Variants in OPRD1 observed in about 807,000 individuals in gnomAD.
OPRD1 encodes the protein opioid receptor delta 1, also known as delta-type opioid receptor.
In OPRD1, 19 loss-of-function variants were observed where a neutral mutation model predicts 17.5. The ratio of observed to expected loss-of-function variants is 1.09; its 90% CI spans 0.76 to 1.60. The LOEUF is 1.60. OPRD1 is among the 40% of genes most tolerant of loss of function. The pLI, the probability that OPRD1 is intolerant of heterozygous loss-of-function variation, is 0.00. For synonymous variants in OPRD1, 256 were observed against 240.9 expected, an observed-to-expected ratio of 1.06 and a Z score of -0.58; for missense variants, 483 against 547.2, an observed-to-expected ratio of 0.88 and a Z score of 1.17.
At position 28,856,439 on chromosome 1, in the gene OPRD1, G is replaced by A. The variant is rs148135847; in HGVS notation, c.228-2515G>A. Among the ~76,000 whole-genome samples the A allele has an allele frequency of 3.5e-3, 527 of 152,290 alleles. 1 individual carries two copies. The highest frequency in any genetic ancestry group is 0.012 in the African/African-American group (516 of 41,568). On this transcript the variant is annotated intron_variant, in intron 1 of 2. Transcript: ENST00000234961. ...CAGGCTCTTCCGGTAATTCTGAAGC[G>A]ATACCTCAGGCCACGCTTTAATAAA...
At chr1:28,850,831 T>A (rs1012394555) in intron 1 of OPRD1, among the ~76,000 whole-genome samples, 4 of 133,048 alleles carry the variant, frequency 3.0e-5, no homozygotes, top group East Asian at 2.1e-4. Context: ...ATAATAATAA[T>A]AAAAGGTCAA....
intron 1 of OPRD1, among the ~76,000 whole-genome samples, chr1:28,818,828 G>C (rs530085667): frequency 6.6e-6 from 1 of 152,260 alleles, no homozygotes; most frequent in South Asian, 2.1e-4. Context: ...GGCAGGCCCA[G>C]CATGACTGTG....
intron 1 of OPRD1, among the ~76,000 whole-genome samples, chr1:28,823,985 CTGGCCAACA>C (rs1205735412): frequency 6.6e-6 from 1 of 150,870 alleles, no homozygotes; most frequent in Non-Finnish European, 1.5e-5. Context: ...TGAGACCAGC[CTGGCCAACA>C]TGGTGAAACT....
At chr1:28,851,875 A>AG (rs1327842006) in intron 1 of OPRD1, among the ~76,000 whole-genome samples, 2 of 149,232 alleles carry the variant, frequency 1.3e-5, no homozygotes, top group Non-Finnish European at 3.0e-5. Flanking sequence ...AAAAAAAAAA[A>AG]AAAAAGAAGA....
rs1354134743 is a variant in OPRD1 at position 28,869,663 on chromosome 1, C to T, written c.*6380C>T. The T allele has an allele frequency of 6.6e-6, 1 of 152,302 alleles. No homozygotes were observed. The highest frequency in any genetic ancestry group is 2.4e-5 in the African/African-American group (1 of 41,450). The allele number at this position is 152,302 out of a possible 1,614,324, so 9.4% of individuals were successfully genotyped here. The stretch of plus-strand genomic sequence containing the variant: ...TCAGTGATTGGCTCAGCTAGGATCC[C>T]ACCTTTGGTCCTTCAAGTCCACTTC... On this transcript the variant is annotated 3_prime_UTR_variant, in exon 3 of 3. Coordinates refer to ENST00000234961, the MANE Select transcript of OPRD1 (RefSeq NM_000911.4).
chr1:28,858,863 T>A (rs1220590074), intron 1 of OPRD1, 91 bp from the exon 2 acceptor site: 5 of 1,280,098 alleles, frequency 3.9e-6, no homozygotes, highest in Non-Finnish European at 5.5e-6. Flanking sequence ...ACCTTTTGCA[T>A]GTCCTTAGGA....
In OPRD1 at chr1:28,812,234, G is replaced by C. The variant is rs914877278; in HGVS notation, c.-150G>C. The C allele has an allele frequency of 6.5e-5, 20 of 307,418 alleles. No individual in the cohort carries two copies. The highest frequency in any genetic ancestry group is 4.3e-4 in the African/African-American group (19 of 44,440). 19.0% of individuals were successfully genotyped at this position (307,418 alleles called of 1,614,324 possible). ...CTGGGCCGGTGCGGGCGGCGAGGCAGGCGGACGAGGCGCAGAGACAGCGGG... is the reference window on the plus strand; with the variant it reads ...CTGGGCCGGTGCGGGCGGCGAGGCACGCGGACGAGGCGCAGAGACAGCGGG... On this transcript the variant is annotated 5_prime_UTR_variant, in exon 1 of 3. Transcript: ENST00000234961.
At chr1:28,858,726 A>C (rs985019433) in intron 1 of OPRD1, among the ~76,000 whole-genome samples, 1 of 151,556 alleles carries the variant, frequency 6.6e-6, no homozygotes, top group African/African-American at 2.4e-5. Context: ...TTGTATTTTT[A>C]GTAGAGATGG....
Position 28,868,522 on chromosome 1 carries a change from G to A in OPRD1, c.*5239G>A, listed in dbSNP as rs1384771590. The A allele has an allele frequency of 6.6e-6, 1 of 152,228 alleles. No individual in the cohort carries two copies. Among genetic ancestry groups the A allele is most frequent in the African/African-American group, 2.4e-5 (1 of 41,432 alleles). 9.4% of individuals were successfully genotyped at this position (152,228 alleles called of 1,614,324 possible). A position where few individuals can be genotyped will look rare whatever the true frequency, so the allele number is the denominator to read the frequency against. ...GTGTGCCAGAGGCAGCTGCTCTAAG[G>A]AGGCTTGCTGGGCTTGGAATTAGAA... On this transcript the variant is annotated 3_prime_UTR_variant, in exon 3 of 3. Transcript: ENST00000234961.
At chr1:28,820,193 ATT>A (rs1271417329) in intron 1 of OPRD1, among the ~76,000 whole-genome samples, 25 of 128,836 alleles carry the variant, frequency 1.9e-4, no homozygotes, top group Admixed American at 2.4e-4. Context: ...GAGGAACTAG[ATT>A]TTTTTTTTTT....
intron 1 of OPRD1, among the ~76,000 whole-genome samples, chr1:28,858,108 T>C (rs1382364732): frequency 1.5e-5 from 2 of 136,212 alleles, no homozygotes; most frequent in Non-Finnish European, 3.1e-5. Context: ...GATTTTTCTT[T>C]TTTTTTCTTT....
chr1:28,829,352 G>A (rs2088793317), intron 1 of OPRD1, among the ~76,000 whole-genome samples: 1 of 152,040 alleles, frequency 6.6e-6, no homozygotes, highest in African/African-American at 2.4e-5. Context: ...CAGCAGTTAA[G>A]TGTATTTTGT....
At chr1:28,817,911 G>T (rs922089793) in intron 1 of OPRD1, among the ~76,000 whole-genome samples, 9 of 145,442 alleles carry the variant, frequency 6.2e-5, no homozygotes, top group South Asian at 2.5e-4. Context: ...GCGGGGGGGG[G>T]GTTTCACCAT....
chr1:28,818,475 G>A lies in OPRD1; in HGVS notation c.227+5865G>A, dbSNP rs111387451. ...GGAGGGGATGCCTGTGCATCATGGA[G>A]GGGAGCAGCAGTTGGCTCCCTGGAG... is the stretch of plus-strand genomic sequence containing the variant. On this transcript the variant is annotated intron_variant, in intron 1 of 2. Transcript: ENST00000234961. Among the ~76,000 whole-genome samples, 1,348 of 152,324 alleles carry A rather than the reference G, an allele frequency of 8.8e-3. 21 individuals are homozygous for A. The highest frequency in any genetic ancestry group is 0.037 in the Middle Eastern group (11 of 294).
At chr1:28,830,205 C>A (rs1466661657) in intron 1 of OPRD1, among the ~76,000 whole-genome samples, 1 of 151,828 alleles carries the variant, frequency 6.6e-6, no homozygotes, top group Non-Finnish European at 1.5e-5. Flanking sequence ...TGTGGCACTC[C>A]AAAACAATTA....
At chr1:28,827,792 A>G (rs773376058) in intron 1 of OPRD1, among the ~76,000 whole-genome samples, 2 of 152,038 alleles carry the variant, frequency 1.3e-5, no homozygotes, top group Non-Finnish European at 2.9e-5. Flanking sequence ...TGCAGTGATC[A>G]TAGCTCACTG....
At chr1:28,858,931 T>C in intron 1 of OPRD1, 23 bp from the exon 2 acceptor site, 1 of 1,583,616 alleles carries the variant, frequency 6.3e-7, no homozygotes, top group Non-Finnish European at 8.6e-7. Flanking sequence ...ATGGGATTAA[T>C]TACACATGCA....
At chr1:28,853,503 G>A (rs527626441) in intron 1 of OPRD1, among the ~76,000 whole-genome samples, 3 of 152,310 alleles carry the variant, frequency 2.0e-5, no homozygotes, top group South Asian at 4.1e-4. Flanking sequence ...CCAAATCCAC[G>A]CTTCAACAAG....
intron 1 of OPRD1, among the ~76,000 whole-genome samples, chr1:28,850,854 G>A (rs973225355): frequency 1.0e-4 from 15 of 150,514 alleles, no homozygotes; most frequent in Admixed American, 2.0e-4. Flanking sequence ...GAAGAATCGA[G>A]AGATAACAAA....
Sources: gnomAD v4.1 joint callset for allele counts (sites outside exome capture counted in the v4.1 genomes callset) on GRCh38, gnomAD v4.1.1 for gene constraint, MANE v1.5 for transcripts, NCBI Gene and HGNC (gene_info 2026-07-23, HGNC 2026-07-21) for gene names.